The following CCDC77 variants were observed in gnomAD, a reference collection of about 807,000 sequenced individuals.
The protein encoded by CCDC77 is coiled-coil domain-containing protein 77.
CCDC77 carries 56 observed loss-of-function variants against 66.8 expected under a neutral mutation model. The observed-to-expected ratio is 0.84, with a 90% confidence interval of 0.68 to 1.05. The LOEUF (loss-of-function observed/expected upper bound fraction) is 1.05, where lower values mean the gene tolerates loss of function less well. Ranked by LOEUF, CCDC77 falls within the 50% of genes least tolerant of loss-of-function variation. The probability of loss-of-function intolerance (pLI) is 0.00; values close to 1 mark genes in which losing one functional copy is unlikely to be tolerated. For missense variants in CCDC77, 570 were observed against 576.8 expected, an observed-to-expected ratio of 0.99 and a Z score of 0.12; for synonymous variants, 196 against 195.2, an observed-to-expected ratio of 1.00 and a Z score of -0.03.
chr12:391,670 G>C (rs1944757780), intron 1 of CCDC77, among the ~76,000 whole-genome samples: 1 of 152,190 alleles, frequency 6.6e-6, no homozygotes, highest in African/African-American at 2.4e-5. Flanking sequence ...ATCCTTAAAA[G>C]CTTTGATTGG....
intron 2 of CCDC77, among the ~76,000 whole-genome samples, chr12:409,013 G>A (rs1021550295): frequency 1.3e-5 from 2 of 152,028 alleles, no homozygotes; most frequent in Admixed American, 1.3e-4. Context: ...AGACCAGCCT[G>A]GCCAATATGG....
At chr12:408,029 C>T (rs1381990846) in intron 2 of CCDC77, among the ~76,000 whole-genome samples, 1 of 152,058 alleles carries the variant, frequency 6.6e-6, no homozygotes, top group African/African-American at 2.4e-5. Flanking sequence ...CCTTGTGATA[C>T]ACCCACCTCG....
At position 441,807 on chromosome 12, in the gene CCDC77, G is replaced by A. The variant is rs1477075198; in HGVS notation, c.1354G>A (p.Ala452Thr). Residue 452 changes from alanine to threonine, a missense_variant, in exon 13 of 13, where the codon GCC becomes ACC. By Grantham distance (58) the Ala-to-Thr change is moderately conservative. Coordinates refer to ENST00000239830, the MANE Select transcript of CCDC77 (RefSeq NM_032358.4). Reference protein sequence around the residue: ...TVNARANQDLALLCEVRDSNR... With the variant: ...TVNARANQDLTLLCEVRDSNR... The stretch of plus-strand genomic sequence containing the variant: ...TAATGCCCGGGCAAACCAGGATCTT[G>A]CCCTTCTGTGTGAGGTCCGTGACAG... 1 of 1,602,022 alleles carries A rather than the reference G, an allele frequency of 6.2e-7. No individual in the cohort carries two copies. Among genetic ancestry groups the A allele is most frequent in the Admixed American group, 1.7e-5 (1 of 58,640 alleles).
At chr12:413,094 A>G (rs558218814) in intron 4 of CCDC77, among the ~76,000 whole-genome samples, 5 of 150,796 alleles carry the variant, frequency 3.3e-5, no homozygotes, top group East Asian at 1.9e-4. Context: ...GCCCGCAACC[A>G]TGCCTGGCTA....
chr12:440,131 G>A (rs752019087), intron 10 of CCDC77, among the ~76,000 whole-genome samples: 7 of 152,220 alleles, frequency 4.6e-5, no homozygotes, highest in Non-Finnish European at 7.3e-5. Flanking sequence ...GGAGGGCCTT[G>A]TGCATCATCG....
At chr12:438,575 C>T (rs776045337) in intron 10 of CCDC77, 21 bp downstream of exon 10, 20 of 1,551,118 alleles carry the variant, frequency 1.3e-5, no homozygotes, top group African/African-American at 2.8e-5. Context: ...TATGTCGTAA[C>T]GAAGTTGTTT....
intron 9 of CCDC77, chr12:433,600 G>A: frequency 2.1e-6 from 1 of 465,402 alleles, no homozygotes; most frequent in Non-Finnish European, 3.1e-6. Context: ...CGGGTGCAGT[G>A]GCTCACGCCT....
At chr12:423,441 A>C (rs1945453892) in intron 5 of CCDC77, among the ~76,000 whole-genome samples, 1 of 142,756 alleles carries the variant, frequency 7.0e-6, no homozygotes, top group South Asian at 2.2e-4. Flanking sequence ...TGCCTGGCCA[A>C]CACTTGTTAT....
At chr12:410,165 G>C (rs1021177572) in intron 3 of CCDC77, among the ~76,000 whole-genome samples, 8 of 151,986 alleles carry the variant, frequency 5.3e-5, no homozygotes, top group African/African-American at 1.7e-4. Flanking sequence ...CAGAGCTTCT[G>C]GTATAGTTTC....
At chr12:408,032 C>T (rs1945032487) in intron 2 of CCDC77, among the ~76,000 whole-genome samples, 1 of 151,982 alleles carries the variant, frequency 6.6e-6, no homozygotes, top group African/African-American at 2.4e-5. Flanking sequence ...TGTGATACAC[C>T]CACCTCGGCC....
exon 1 of CCDC77, chr12:389,410 G>T (rs887479206): frequency 1.9e-6 from 1 of 518,186 alleles, no homozygotes; most frequent in African/African-American, 1.9e-5. Flanking sequence ...CTCTTCCCCG[G>T]CAGCACAGTG....
At chr12:393,667 G>A (rs978971301) in intron 1 of CCDC77, among the ~76,000 whole-genome samples, 4 of 152,004 alleles carry the variant, frequency 2.6e-5, no homozygotes, top group African/African-American at 7.3e-5. Flanking sequence ...GAGTAGCTGC[G>A]ATTACAGGCA....
chr12:401,989 G>A (rs1038923534), intron 1 of CCDC77, among the ~76,000 whole-genome samples: 2 of 152,200 alleles, frequency 1.3e-5, no homozygotes, highest in African/African-American at 4.8e-5. Flanking sequence ...ACCCCACGCT[G>A]GTCTAGCTCT....
chr12:427,222 G>A (rs534461010), intron 5 of CCDC77, among the ~76,000 whole-genome samples: 232 of 151,444 alleles, frequency 1.5e-3, no homozygotes, highest in Non-Finnish European at 2.9e-3. Context: ...TCCAGCCTGG[G>A]CGACAGAGCG....
chr12:440,517 T>G, intron 10 of CCDC77, 100 bp from the exon 11 acceptor site: 1 of 1,396,780 alleles, frequency 7.2e-7, no homozygotes, highest in Non-Finnish European at 9.8e-7. Context: ...TTTGTACCTC[T>G]GGAAATCCCT....
At chr12:397,061 A>G (rs10047594), upstream of CCDC77, among the ~76,000 whole-genome samples, 5,123 of 151,638 alleles carry the variant, frequency 0.034, 196 homozygotes, top group African/African-American at 0.087. Context: ...CATGTGCCAC[A>G]TGTAACCACA....
chr12:432,068 GCAT>G, intron 8 of CCDC77, 114 bp downstream of exon 8: 2 of 607,290 alleles, frequency 3.3e-6, no homozygotes, highest in Non-Finnish European at 5.9e-6. Context: ...TTACATCTAA[GCAT>G]CATGTGGTTA....
intron 3 of CCDC77, 147 bp downstream of exon 3, chr12:409,568 G>A: frequency 4.3e-6 from 3 of 691,872 alleles, no homozygotes; most frequent in Non-Finnish European, 4.9e-6. Context: ...CCAGGATGGG[G>A]TGCAGTGGTG....
chr12:390,210 C>G (rs1437564237), intron 1 of CCDC77: 1 of 151,968 alleles, frequency 6.6e-6, no homozygotes, highest in African/African-American at 2.4e-5. Flanking sequence ...TCTCCATCCC[C>G]GTTACCAGTA....
Sources: allele counts gnomAD v4.1 joint callset (sites outside exome capture counted in the v4.1 genomes callset), GRCh38; gene constraint gnomAD v4.1.1; transcripts MANE v1.5; gene names NCBI Gene and HGNC (gene_info 2026-07-23, HGNC 2026-07-21).